Variants in P2RY6 observed in about 807,000 individuals in gnomAD.
P2RY6 encodes the protein pyrimidinergic receptor P2Y6, also known as P2Y purinoceptor 6.
In P2RY6, 19 loss-of-function variants were observed where a neutral mutation model predicts 16.3. The observed-to-expected ratio is 1.16, with a 90% CI of 0.81 to 1.71. The LOEUF (loss-of-function observed/expected upper bound fraction) is 1.71, where lower values mean the gene tolerates loss of function less well. Ranked by LOEUF, P2RY6 falls within the 40% of genes most tolerant of loss-of-function variation. The pLI is 0.00. For synonymous variants in P2RY6, 184 were observed against 201.5 expected (o/e 0.91, Z 0.74); for missense variants, 389 against 455.5 (o/e 0.85, Z 1.33).
At chr11:73,266,318 C>T (rs1863101159) in intron 1 of P2RY6, among the ~76,000 whole-genome samples, 1 of 152,086 alleles carries the variant, frequency 6.6e-6, no homozygotes, top group African/African-American at 2.4e-5. Context: ...GCAGGGGCAG[C>T]CATGGGCTTG....
chr11:73,275,097 T>G (rs897577617), intron 1 of P2RY6, among the ~76,000 whole-genome samples: 4 of 152,214 alleles, frequency 2.6e-5, no homozygotes, highest in African/African-American at 9.7e-5. Flanking sequence ...TGGCGTAGGC[T>G]GGGTCAGTGG....
In P2RY6 at chr11:73,297,119, T is replaced by G; in HGVS notation, c.601T>G (p.Phe201Val). Residue 201 changes from phenylalanine to valine, a missense_variant, in exon 3 of 3, where the codon TTC becomes GTC. Physicochemically the swap from Phe to Val is conservative, Grantham distance 50 (BLOSUM62 -1). Transcript: ENST00000540124. ...TGGCATGGCTCTCACTGTCATCGGC[T>G]TCCTGCTGCCCTTTGCTGCCCTGCT... is the stretch of plus-strand genomic sequence containing the variant. ...PYGMALTVIGFLLPFAALLAC... is the reference protein window; with the variant it reads ...PYGMALTVIGVLLPFAALLAC... 6.2e-7 allele frequency: 1 copy of G among 1,604,652 alleles called. No homozygotes were observed. The highest frequency in any genetic ancestry group is 8.5e-7 in the Non-Finnish European group (1 of 1,179,932).
At chr11:73,280,880 G>A (rs146177155) in intron 1 of P2RY6, among the ~76,000 whole-genome samples, 1 of 152,192 alleles carries the variant, frequency 6.6e-6, no homozygotes, top group Non-Finnish European at 1.5e-5. Context: ...GGAAGATATA[G>A]AGAGGGCGTA....
upstream of P2RY6, chr11:73,271,785 TGA>T (rs1863322633): frequency 1.3e-5 from 2 of 152,158 alleles, no homozygotes; most frequent in East Asian, 3.9e-4. Context: ...TAAAACAGTA[TGA>T]GAGGGTCTCT....
At chr11:73,277,723 T>C (rs1433726776) in intron 1 of P2RY6, among the ~76,000 whole-genome samples, 1 of 152,246 alleles carries the variant, frequency 6.6e-6, no homozygotes, top group African/African-American at 2.4e-5. Flanking sequence ...CAAACCTACC[T>C]GAACTTTGCC....
At chr11:73,292,693 T>C (rs950101095) in intron 1 of P2RY6, 5 of 556,178 alleles carry the variant, frequency 9.0e-6, no homozygotes, top group Non-Finnish European at 1.1e-5. Flanking sequence ...CTAAGCCCAG[T>C]TTCCGCCAGG....
At chr11:73,279,640 G>A (rs192613676) in intron 1 of P2RY6, among the ~76,000 whole-genome samples, 3 of 152,318 alleles carry the variant, frequency 2.0e-5, no homozygotes, top group Non-Finnish European at 4.4e-5. Context: ...AGAAGCACCA[G>A]TCTTCCATGG....
At chr11:73,267,361 A>C (rs1390975140), upstream of P2RY6, among the ~76,000 whole-genome samples, 1 of 152,188 alleles carries the variant, frequency 6.6e-6, no homozygotes, top group Non-Finnish European at 1.5e-5. Flanking sequence ...GCCCCTCCTC[A>C]TCAGAGCAGC....
At chr11:73,271,275 C>G (rs553701832), upstream of P2RY6, among the ~76,000 whole-genome samples, 16 of 152,176 alleles carry the variant, frequency 1.1e-4, no homozygotes, top group Middle Eastern at 3.2e-3. Flanking sequence ...GCCTTTCCCC[C>G]CCGGCATCAC....
Position 73,296,692 on chromosome 11 carries a change from G to T in P2RY6, c.174G>T (p.Leu58=), listed in dbSNP as rs1864500558. 6.2e-7 allele frequency: 1 copy of T among 1,613,988 alleles called. No individual in the cohort carries two copies. Among genetic ancestry groups the T allele is most frequent in the Non-Finnish European group, 8.5e-7 (1 of 1,180,000 alleles). ...ITQICTSRRA[L]TRTAVYTLNL... is the part of the protein sequence containing the mutation. ...AGATCTGCACGTCCCGCCGGGCCCT[G>T]ACCCGCACGGCCGTGTACACCCTAA... The change falls in exon 3 of 3, where the codon CTG becomes CTT. Residue 58 remains leucine, a synonymous_variant. Transcript: ENST00000540124.
intron 1 of P2RY6, among the ~76,000 whole-genome samples, chr11:73,281,616 A>T (rs2135717060): frequency 6.6e-6 from 1 of 152,288 alleles, no homozygotes; most frequent in South Asian, 2.1e-4. Flanking sequence ...GTGCCATTAG[A>T]ACTCCACCCC....
At chr11:73,279,492 G>A (rs756917795) in intron 1 of P2RY6, among the ~76,000 whole-genome samples, 1 of 152,200 alleles carries the variant, frequency 6.6e-6, no homozygotes, top group Admixed American at 6.5e-5. Context: ...GCAAGAAAAT[G>A]TATATCAGTT....
intron 2 of P2RY6, among the ~76,000 whole-genome samples, chr11:73,296,232 A>AT (rs1565174358): frequency 4.4e-4 from 58 of 132,862 alleles, no homozygotes; most frequent in East Asian, 2.9e-3. Context: ...GGAAAAAAAA[A>AT]AATATATATA....
intron 1 of P2RY6, among the ~76,000 whole-genome samples, chr11:73,276,597 A>C (rs1863546670): frequency 6.6e-6 from 1 of 152,228 alleles, no homozygotes; most frequent in African/African-American, 2.4e-5. Flanking sequence ...TGAGTAAAAT[A>C]AGTCAGACAC....
At chr11:73,288,649 A>G (rs1195447397) in intron 1 of P2RY6, among the ~76,000 whole-genome samples, 1 of 152,152 alleles carries the variant, frequency 6.6e-6, no homozygotes, top group African/African-American at 2.4e-5. Context: ...TCCAGGGGCA[A>G]CCCTGCTTCA....
intron 1 of P2RY6, among the ~76,000 whole-genome samples, chr11:73,275,247 C>T (rs1863490471): frequency 1.3e-5 from 2 of 152,202 alleles, no homozygotes; most frequent in Admixed American, 1.3e-4. Context: ...GGCATCCTGA[C>T]TCCCAGGGCA....
chr11:73,281,044 T>C (rs1193335556), intron 1 of P2RY6, among the ~76,000 whole-genome samples: 1 of 151,864 alleles, frequency 6.6e-6, no homozygotes, highest in Non-Finnish European at 1.5e-5. Context: ...AAGAGGAGTT[T>C]GAAATGTGAA....
intron 1 of P2RY6, among the ~76,000 whole-genome samples, chr11:73,274,317 T>C (rs1201929412): frequency 6.6e-6 from 1 of 152,058 alleles, no homozygotes; most frequent in Non-Finnish European, 1.5e-5. Context: ...TGAAATAACG[T>C]GAATAAATCA....
At chr11:73,264,506 G>T (rs1404731050), upstream of P2RY6, 1 of 152,344 alleles carries the variant, frequency 6.6e-6, no homozygotes, top group Admixed American at 6.5e-5. Flanking sequence ...CTGCCGCTTT[G>T]CTCTGGCTCC....
Sources: allele counts gnomAD v4.1 joint callset (sites outside exome capture counted in the v4.1 genomes callset), GRCh38; gene constraint gnomAD v4.1.1; transcripts MANE v1.5; gene names NCBI Gene and HGNC (gene_info 2026-07-23, HGNC 2026-07-21).